Variants in LIMCH1 observed in about 807,000 individuals in gnomAD.
LIMCH1 encodes the protein LIM and calponin homology domains 1.
Under a neutral mutation model 176.5 loss-of-function variants are expected in LIMCH1, and 113 were observed. The ratio of observed to expected loss-of-function variants is 0.64; its 90% CI spans 0.55 to 0.75. LIMCH1 has a LOEUF of 0.75. Among genes scored for constraint, LIMCH1 ranks in the 30% least tolerant of loss-of-function variants. The probability of loss-of-function intolerance (pLI) is 0.00; values close to 1 mark genes in which losing one functional copy is unlikely to be tolerated. For missense variants in LIMCH1, 1,674 were observed against 1,814.9 expected, an observed-to-expected ratio of 0.92 and a Z score of 1.41; for synonymous variants, 619 against 645.9, an observed-to-expected ratio of 0.96 and a Z score of 0.63.
At chr4:41,619,093 C>T in intron 5 of LIMCH1, 95 bp from the exon 6 acceptor site, 5 of 1,382,846 alleles carry the variant, frequency 3.6e-6, no homozygotes, top group Non-Finnish European at 4.0e-6. Context: ...ATCCTCAGAA[C>T]CCACAGATTG....
At chr4:41,451,294 T>C (rs1368610386) in intron 1 of LIMCH1, among the ~76,000 whole-genome samples, 1 of 151,824 alleles carries the variant, frequency 6.6e-6, no homozygotes, top group Non-Finnish European at 1.5e-5. Context: ...TTTTTTTTTT[T>C]TTTGTATTTT....
At position 41,623,619 on chromosome 4, in the gene LIMCH1, G is replaced by C. The variant is rs561562648; in HGVS notation, c.725+2929G>C. Among the ~76,000 whole-genome samples, 3 of 152,244 alleles carry C rather than the reference G, an allele frequency of 2.0e-5. No individual in the cohort carries two copies. In the South Asian group the frequency reaches 6.2e-4, roughly 32 times the overall value. On this transcript the variant is annotated intron_variant, in intron 7 of 31. Coordinates refer to ENST00000503057, the MANE Select transcript of LIMCH1 (RefSeq NM_001330672.2). ...CTAAAAGTACCAAAAAAATTAGCCA[G>C]GCGTGGTGGCATAGGCCTGTAATCC...
chr4:41,411,385 G>A (rs1287436379), intron 1 of LIMCH1, among the ~76,000 whole-genome samples: 1 of 152,012 alleles, frequency 6.6e-6, no homozygotes, highest in African/African-American at 2.4e-5. Flanking sequence ...TTTTGTTTGT[G>A]TTTTTTGAGA....
At chr4:41,448,480 A>G (rs965066107) in intron 1 of LIMCH1, among the ~76,000 whole-genome samples, 3 of 152,198 alleles carry the variant, frequency 2.0e-5, no homozygotes, top group Non-Finnish European at 4.4e-5. Context: ...CTTGGCCTGC[A>G]CTGACCCAAG....
At chr4:41,522,662 T>C (rs1055072863) in intron 2 of LIMCH1, among the ~76,000 whole-genome samples, 3 of 152,106 alleles carry the variant, frequency 2.0e-5, no homozygotes, top group Admixed American at 2.0e-4. Context: ...ACCAGAAGAT[T>C]TGGGATATTT....
chr4:41,658,556 T>A (rs2094526003), intron 18 of LIMCH1, among the ~76,000 whole-genome samples: 1 of 152,164 alleles, frequency 6.6e-6, no homozygotes, highest in African/African-American at 2.4e-5. Flanking sequence ...CATCACACAT[T>A]AGGTCTTTAG....
chr4:41,448,143 G>A (rs968385899), intron 1 of LIMCH1, among the ~76,000 whole-genome samples: 5 of 152,200 alleles, frequency 3.3e-5, no homozygotes, highest in African/African-American at 1.2e-4. Context: ...AGAGTAGAAT[G>A]TAGGAGCTTT....
At chr4:41,670,625 A>T (rs2094981565) in intron 21 of LIMCH1, 2 of 872,738 alleles carry the variant, frequency 2.3e-6, no homozygotes, top group African/African-American at 3.4e-5. Context: ...GACTAGAGCC[A>T]AACTCCCTAT....
In LIMCH1 at chr4:41,685,747, C is replaced by T; in HGVS notation, c.4005C>T (p.His1335=). 3 of 1,613,632 alleles carry T rather than the reference C, an allele frequency of 1.9e-6. No homozygotes were observed. Among genetic ancestry groups the T allele is most frequent in the Non-Finnish European group, 2.5e-6 (3 of 1,179,674 alleles). ...SQNQQTSNPT[H]SSEDVKPKTL... is the part of the protein sequence containing the mutation. ...ATCAGCAGACATCAAATCCAACGCA[C>T]AGTTCAGAAGATGTGAAGCCAAAAA... Residue 1335 remains histidine, a synonymous_variant, in exon 28 of 32, where the codon CAC becomes CAT. Coordinates refer to ENST00000503057, the MANE Select transcript of LIMCH1 (RefSeq NM_001330672.2).
At chr4:41,466,200 G>A (rs1404681724) in intron 1 of LIMCH1, among the ~76,000 whole-genome samples, 13 of 152,028 alleles carry the variant, frequency 8.6e-5, no homozygotes, top group East Asian at 3.9e-4. Context: ...CTTGTGATCC[G>A]CCTGCCTTGG....
intron 2 of LIMCH1, among the ~76,000 whole-genome samples, chr4:41,506,733 GA>G (rs1323961074): frequency 6.6e-6 from 1 of 152,152 alleles, no homozygotes; most frequent in Non-Finnish European, 1.5e-5. Context: ...CATCTTTATA[GA>G]GAAAAACAAG....
intron 1 of LIMCH1, among the ~76,000 whole-genome samples, chr4:41,413,677 G>T (rs1486660755): frequency 6.6e-6 from 1 of 152,104 alleles, no homozygotes; most frequent in Non-Finnish European, 1.5e-5. Flanking sequence ...AAGACCAAGA[G>T]AAATGGCAAG....
At chr4:41,361,225 A>C (rs991259988) in intron 1 of LIMCH1, among the ~76,000 whole-genome samples, 1 of 152,188 alleles carries the variant, frequency 6.6e-6, no homozygotes, top group Non-Finnish European at 1.5e-5. Flanking sequence ...TGGCCTCGCA[A>C]ATCTCAGCTA....
intron 1 of LIMCH1, among the ~76,000 whole-genome samples, chr4:41,429,954 C>T (rs1006116577): frequency 6.6e-6 from 1 of 152,104 alleles, no homozygotes; most frequent in Non-Finnish European, 1.5e-5. Context: ...TATTCATTGG[C>T]CAGTCAATGA....
chr4:41,682,506 T>G, intron 26 of LIMCH1, 46 bp downstream of exon 26: 1 of 1,593,308 alleles, frequency 6.3e-7, no homozygotes, highest in South Asian at 1.2e-5. Context: ...AAAGCTGGGC[T>G]CTGCTCGTGC....
At chr4:41,561,946 TA>T (rs2082121728) in intron 1 of LIMCH1, among the ~76,000 whole-genome samples, 1 of 152,216 alleles carries the variant, frequency 6.6e-6, no homozygotes, top group African/African-American at 2.4e-5. Context: ...GCCTTCTCTC[TA>T]GAGAGAATTC....
intron 1 of LIMCH1, among the ~76,000 whole-genome samples, chr4:41,469,065 G>A (rs561971174): frequency 2.6e-4 from 40 of 152,186 alleles, no homozygotes; most frequent in Middle Eastern, 3.2e-3. Flanking sequence ...TAATGATGTT[G>A]CAGGTGTTTA....
At chr4:41,663,874 T>C (rs867997219) in intron 20 of LIMCH1, among the ~76,000 whole-genome samples, 2 of 73,724 alleles carry the variant, frequency 2.7e-5, no homozygotes, top group Non-Finnish European at 5.6e-5. Context: ...AAAAAAAAAA[T>C]AGTAATAATA....
chr4:41,388,268 G>A (rs912425284), intron 1 of LIMCH1, among the ~76,000 whole-genome samples: 11 of 152,236 alleles, frequency 7.2e-5, no homozygotes, highest in East Asian at 1.9e-4. Context: ...CTATGAACTG[G>A]TGAAAGAATA....
Sources: allele counts gnomAD v4.1 joint callset (sites outside exome capture counted in the v4.1 genomes callset), GRCh38; gene constraint gnomAD v4.1.1; transcripts MANE v1.5; gene names NCBI Gene and HGNC (gene_info 2026-07-23, HGNC 2026-07-21).